The following USH2A variants were observed in gnomAD, a reference collection of about 807,000 sequenced individuals.
USH2A encodes the protein usherin.
A neutral mutation model predicts 538.9 loss-of-function variants in USH2A; 443 were observed. That is an observed-to-expected ratio of 0.82 (90% confidence interval 0.76 to 0.89). USH2A has a LOEUF of 0.89. USH2A is among the 40% of genes least tolerant of loss of function. The pLI, the probability that USH2A is intolerant of heterozygous loss-of-function variation, is 0.00. For synonymous variants in USH2A, 2,413 were observed against 2,273.5 expected, an observed-to-expected ratio of 1.06 and a Z score of -1.75; for missense variants, 6,633 against 6,324.8, an observed-to-expected ratio of 1.05 and a Z score of -1.65.
chr1:216,402,122 T>C (rs570537207), intron 3 of USH2A, among the ~76,000 whole-genome samples: 7 of 152,232 alleles, frequency 4.6e-5, no homozygotes, highest in Admixed American at 2.0e-4. Flanking sequence ...TTTCAAATAC[T>C]TGTGAAACTT....
In USH2A at chr1:216,422,502, G is replaced by A. The variant is rs1571806255; in HGVS notation, c.-166C>T. 8.3e-6 allele frequency: 8 copies of A among 958,696 alleles called. No individual in the cohort carries two copies. Among genetic ancestry groups the A allele is most frequent in the African/African-American group, 3.3e-5 (2 of 60,460 alleles). 59.4% of individuals were successfully genotyped at this position (958,696 alleles called of 1,614,324 possible). A position where few individuals can be genotyped will look rare whatever the true frequency, so the allele number is the denominator to read the frequency against. ...CTCAGAGTAAGGTAATACCAACGAC[G>A]TTCTTAGCAATGGCGAAGACATGAG... On this transcript the variant is annotated 5_prime_UTR_variant, in exon 2 of 72. In the 5' UTR this introduces an upstream ATG that the reference lacks. Coordinates refer to ENST00000307340, the MANE Select transcript of USH2A (RefSeq NM_206933.4).
At chr1:216,190,126 G>T in intron 20 of USH2A, 97 bp downstream of exon 20, 1 of 1,524,090 alleles carries the variant, frequency 6.6e-7, no homozygotes. Context: ...GGGAGGAGAA[G>T]ACAAATATAA....
At chr1:216,295,271 T>C (rs1250664149) in intron 9 of USH2A, among the ~76,000 whole-genome samples, 2 of 151,866 alleles carry the variant, frequency 1.3e-5, no homozygotes, top group African/African-American at 4.8e-5. Context: ...ACCTATTGAA[T>C]TGATAAATTA....
At chr1:215,863,940 G>A (rs1412793597) in intron 44 of USH2A, among the ~76,000 whole-genome samples, 2 of 152,164 alleles carry the variant, frequency 1.3e-5, no homozygotes, top group Admixed American at 1.3e-4. Flanking sequence ...TTGACAGACA[G>A]TAAAGTAGAC....
chr1:216,203,193 A>G (rs2035035666), intron 16 of USH2A, among the ~76,000 whole-genome samples: 1 of 151,880 alleles, frequency 6.6e-6, no homozygotes, highest in South Asian at 2.1e-4. Context: ...AACAAATAGT[A>G]TTAAACTATA....
intron 32 of USH2A, among the ~76,000 whole-genome samples, chr1:216,016,888 T>G: frequency 6.8e-6 from 1 of 147,930 alleles, no homozygotes; most frequent in Non-Finnish European, 1.5e-5. Context: ...GGGTGGGAGG[T>G]AAGGGAGAAC....
intron 9 of USH2A, among the ~76,000 whole-genome samples, chr1:216,297,186 A>G (rs921149316): frequency 2.0e-5 from 3 of 151,982 alleles, no homozygotes; most frequent in African/African-American, 7.2e-5. Flanking sequence ...ATAATATGAG[A>G]GTAATAATAC....
intron 44 of USH2A, among the ~76,000 whole-genome samples, chr1:215,855,838 A>T (rs7527100): frequency 0.025 from 3,774 of 152,352 alleles, 157 homozygotes; most frequent in African/African-American, 0.086. Context: ...AAAAATAGGC[A>T]TATAGACCAA....
intron 3 of USH2A, among the ~76,000 whole-genome samples, chr1:216,396,234 T>C (rs1222373953): frequency 6.6e-6 from 1 of 151,936 alleles, no homozygotes; most frequent in East Asian, 1.9e-4. Context: ...ATGGACACAA[T>C]TCTGATATTC....
At chr1:216,057,413 T>C (rs1362114161) in intron 30 of USH2A, among the ~76,000 whole-genome samples, 1 of 152,190 alleles carries the variant, frequency 6.6e-6, no homozygotes, top group Non-Finnish European at 1.5e-5. Flanking sequence ...GCCAGCACTT[T>C]GGGAGGCTGA....
At chr1:216,264,447 G>C (rs535928676) in intron 11 of USH2A, among the ~76,000 whole-genome samples, 9 of 152,054 alleles carry the variant, frequency 5.9e-5, no homozygotes, top group African/African-American at 2.2e-4. Context: ...ACAGGTGCCC[G>C]CCACCATGCT....
At chr1:215,751,806 A>C (rs1379100971) in intron 58 of USH2A, among the ~76,000 whole-genome samples, 1 of 152,164 alleles carries the variant, frequency 6.6e-6, no homozygotes, top group Non-Finnish European at 1.5e-5. Context: ...ACAATAATGG[A>C]GTTTTACCAT....
intron 67 of USH2A, among the ~76,000 whole-genome samples, chr1:215,643,014 G>T (rs1656737835): frequency 6.6e-6 from 1 of 152,102 alleles, no homozygotes; most frequent in Non-Finnish European, 1.5e-5. Context: ...TTACTATTTT[G>T]AGTTGGACTC....
chr1:216,082,278 C>A (rs529153471), intron 26 of USH2A, among the ~76,000 whole-genome samples: 1 of 151,846 alleles, frequency 6.6e-6, no homozygotes, highest in African/African-American at 2.4e-5. Context: ...TACGTTTCAG[C>A]GAAGATTCAT....
intron 60 of USH2A, among the ~76,000 whole-genome samples, chr1:215,738,545 T>G (rs1660216007): frequency 6.6e-6 from 1 of 152,180 alleles, no homozygotes; most frequent in African/African-American, 2.4e-5. Context: ...GTTATTTTGC[T>G]TTGTTTTTGA....
chr1:215,758,478 A>G, intron 58 of USH2A, 117 bp downstream of exon 58: 2 of 1,298,454 alleles, frequency 1.5e-6, no homozygotes, highest in Non-Finnish European at 2.2e-6. Flanking sequence ...GTTCATATTT[A>G]TCCAGGAGAC....
rs1558082163 is a variant in USH2A at position 216,422,038 on chromosome 1, A to G, written c.299T>C (p.Leu100Pro). The change falls in exon 2 of 72, where the codon CTT becomes CCT. Residue 100 changes from leucine to proline, a missense_variant. Transcript: ENST00000307340. ...YRSSHPTYTA[L>P]FSAGLSSCIT... is the part of the protein sequence containing the mutation. Reference sequence around the variant, plus strand: ...GCAGCTACTGAGGCCTGCTGAGAAAAGGGCAGTGTAGGTAGGGTGTGAAGA... The same window carrying G: ...GCAGCTACTGAGGCCTGCTGAGAAAGGGGCAGTGTAGGTAGGGTGTGAAGA... 2 of 1,613,890 alleles carry G rather than the reference A, an allele frequency of 1.2e-6. No homozygotes were observed. Among genetic ancestry groups the G allele is most frequent in the Non-Finnish European group, 1.7e-6 (2 of 1,179,910 alleles).
chr1:215,627,430 TTCCTTCCTTCCTTCCTTCCTTCC>T (rs1656081406), intron 71 of USH2A, among the ~76,000 whole-genome samples: 1 of 120,328 alleles, frequency 8.3e-6, no homozygotes, highest in African/African-American at 3.3e-5. Flanking sequence ...CCTTCCTTCC[TTCCTTCCTTCCTTCCTTCCTTCC>T]TTCCTTCCTT....
chr1:216,410,951 C>T (rs533237781), intron 3 of USH2A, among the ~76,000 whole-genome samples: 9 of 152,256 alleles, frequency 5.9e-5, no homozygotes, highest in African/African-American at 2.2e-4. Flanking sequence ...TGTCTTCAAG[C>T]AAACCATTCT....
Sources: allele counts gnomAD v4.1 joint callset (sites outside exome capture counted in the v4.1 genomes callset), GRCh38; gene constraint gnomAD v4.1.1; transcripts MANE v1.5; gene names NCBI Gene and HGNC (gene_info 2026-07-23, HGNC 2026-07-21).